The following RABEP1 variants were observed in gnomAD, a reference collection of about 807,000 sequenced individuals.
RABEP1 encodes the protein rab GTPase-binding effector protein 1.
Under a neutral mutation model 123.4 loss-of-function variants are expected in RABEP1, and 51 were observed. That is an observed-to-expected ratio of 0.41 (90% CI 0.33 to 0.52). The LOEUF (loss-of-function observed/expected upper bound fraction) is 0.52. Ranked by LOEUF, RABEP1 falls within the 20% of genes least tolerant of loss-of-function variation. The pLI, the probability that RABEP1 is intolerant of heterozygous loss-of-function variation, is 0.16. For missense variants in RABEP1, 888 were observed against 996.3 expected (o/e 0.89, Z 1.46); for synonymous variants, 347 against 355.2 (o/e 0.98, Z 0.26).
intron 13 of RABEP1, among the ~76,000 whole-genome samples, chr17:5,375,025 C>A (rs983682566): frequency 6.6e-6 from 1 of 151,958 alleles, no homozygotes; most frequent in African/African-American, 2.4e-5. Context: ...GATTAGCCTG[C>A]TTCGGCCTCC....
chr17:5,310,301 C>CTTTTGTTTTTTTTTTTTTTTTT lies in RABEP1; in HGVS notation c.163+1483_163+1484insGTTTTTTTTTTTTTTTTTTTTT, dbSNP rs2075224508. Among the ~76,000 whole-genome samples, 3 of 126,438 alleles carry CTTTTGTTTTTTTTTTTTTTTTT rather than the reference C, an allele frequency of 2.4e-5. 1 individual carries two copies. The highest frequency in any genetic ancestry group is 6.1e-5 in the African/African-American group (2 of 32,770). The allele number at this position is 126,438 out of a possible 152,430, so 82.9% of individuals were successfully genotyped here. On this transcript the variant is annotated intron_variant, in intron 2 of 17. Coordinates refer to ENST00000537505, the MANE Select transcript of RABEP1 (RefSeq NM_004703.6). ...TTACAATTTAAATGAAAGCTTCGTCCTTTTTTTTTTTTTTTTTTGAGATGG... is the reference window on the plus strand; with the variant it reads ...TTACAATTTAAATGAAAGCTTCGTCCTTTTGTTTTTTTTTTTTTTTTTTTTTTTTTTTTTTTTTTTGAGATGG...
rs1040155393 is a variant in RABEP1 at position 5,383,131 on chromosome 17, G to C, written c.2497G>C (p.Glu833Gln). Residue 833 changes from glutamate to glutamine, a missense_variant, in exon 18 of 18, where the codon GAG becomes CAG. Glu to Gln is a conservative substitution (Grantham distance 29). Transcript: ENST00000537505. ...ACCATTGTTTCTCCAGGTGCAGTTA[G>C]AGCGGATCCGGCAAGCTGACTCCTT... is the stretch of plus-strand genomic sequence containing the variant. Reference protein sequence around the residue: ...KLSQTLQVQLERIRQADSLER... With the variant: ...KLSQTLQVQLQRIRQADSLER... 5.0e-6 allele frequency: 8 copies of C among 1,614,122 alleles called. No individual in the cohort carries two copies. The highest frequency in any genetic ancestry group is 6.8e-6 in the Non-Finnish European group (8 of 1,179,994).
rs1911746981 is a variant in RABEP1 at position 5,384,171 on chromosome 17, A to G, written c.*948A>G. 9.3e-6 allele frequency: 2 copies of G among 214,460 alleles called. No individual in the cohort carries two copies. Among genetic ancestry groups the G allele is most frequent in the South Asian group, 1.9e-4 (1 of 5,374 alleles). The allele number at this position is 214,460 out of a possible 1,614,324, so 13.3% of individuals were successfully genotyped here. A position where few individuals can be genotyped will look rare whatever the true frequency, so the allele number is the denominator to read the frequency against. On this transcript the variant is annotated 3_prime_UTR_variant, in exon 18 of 18. Coordinates refer to ENST00000537505, the MANE Select transcript of RABEP1 (RefSeq NM_004703.6). ...GTAACTAGGTTGACAGATACTTTGT[A>G]TTTTTCTTTTGAATTCAGACCTGGA...
rs779322951 is a variant in RABEP1 at position 5,380,405 on chromosome 17, T to G, written c.2313T>G (p.Ser771Arg). 1 of 1,574,242 alleles carries G rather than the reference T, an allele frequency of 6.4e-7. No homozygotes were observed. Residue 771 changes from serine (S) to arginine (R), a missense_variant, in exon 16 of 18, where the codon AGT (serine) becomes AGG (arginine). Physicochemically the swap from Ser to Arg is moderately radical, Grantham distance 110. Transcript: ENST00000537505. ...TLREKSQQLE[S>R]LQEIKISLEE... ...GAGAGAAGTCTCAACAGCTTGAGAG[T>G]CTTCAGGAAATAAAGATCAGTTTGG...
At chr17:5,283,564 A>G (rs2074949243) in intron 1 of RABEP1, among the ~76,000 whole-genome samples, 1 of 152,152 alleles carries the variant, frequency 6.6e-6, no homozygotes, top group Non-Finnish European at 1.5e-5. Context: ...TATTTCTATA[A>G]TCAGCGTGTG....
intron 2 of RABEP1, among the ~76,000 whole-genome samples, chr17:5,313,864 G>A (rs571793089): frequency 6.6e-6 from 1 of 152,332 alleles, no homozygotes; most frequent in African/African-American, 2.4e-5. Context: ...CTGATTATTA[G>A]TTTTTGTCTT....
intron 1 of RABEP1, 89 bp downstream of exon 1, chr17:5,282,609 A>G (rs1237691307): frequency 1.0e-6 from 1 of 952,908 alleles, no homozygotes; most frequent in East Asian, 5.5e-5. Context: ...GGCGGCGGCA[A>G]GGGCGCGCGC....
At chr17:5,303,625 A>C (rs1211433392) in intron 1 of RABEP1, among the ~76,000 whole-genome samples, 1 of 152,174 alleles carries the variant, frequency 6.6e-6, no homozygotes, top group African/African-American at 2.4e-5. Context: ...ATCCCACTGG[A>C]GTTATTTTTT....
At position 5,386,092 on chromosome 17, in the gene RABEP1, C is replaced by T. The variant is rs1004020488; in HGVS notation, c.*2869C>T. The T allele has an allele frequency of 1.4e-6, 1 of 728,836 alleles. No homozygotes were observed. The highest frequency in any genetic ancestry group is 2.6e-5 in the Admixed American group (1 of 37,900). The allele number at this position is 728,836 out of a possible 1,614,324, so 45.1% of individuals were successfully genotyped here. On this transcript the variant is annotated 3_prime_UTR_variant, in exon 18 of 18. Coordinates refer to ENST00000537505, the MANE Select transcript of RABEP1 (RefSeq NM_004703.6). ...ACAACATATTTAAAAAGATGAACCA[C>T]ACCAAAGGTCATCAAAACACCTTTT...
At chr17:5,334,880 C>G (rs955300555) in intron 3 of RABEP1, among the ~76,000 whole-genome samples, 1 of 152,192 alleles carries the variant, frequency 6.6e-6, no homozygotes, top group Middle Eastern at 3.4e-3. Flanking sequence ...GCCTTAAGTT[C>G]GAATTCTAGC....
intron 8 of RABEP1, among the ~76,000 whole-genome samples, chr17:5,355,371 T>C (rs1908925746): frequency 6.6e-6 from 1 of 152,246 alleles, no homozygotes; most frequent in Non-Finnish European, 1.5e-5. Flanking sequence ...AAAGCTCATC[T>C]TGTTATCAGT....
At chr17:5,362,670 T>C (rs1340015819) in intron 9 of RABEP1, among the ~76,000 whole-genome samples, 1 of 152,238 alleles carries the variant, frequency 6.6e-6, no homozygotes, top group East Asian at 1.9e-4. Flanking sequence ...TGTGTTTTCC[T>C]CACATGTGAT....
In RABEP1 at chr17:5,359,377, CTGA is replaced by C. The variant is rs528490508; in HGVS notation, c.1096-1828_1096-1826del. The stretch of plus-strand genomic sequence containing the variant: ...GTGTGAGCCACTGCGCCCAGCCAGT[CTGA>C]TGTTTTTCAAATGGCCCTCACAACT... On this transcript the variant is annotated intron_variant, in intron 8 of 17. Transcript: ENST00000537505. Among the ~76,000 whole-genome samples, 31 of 152,048 alleles carry C rather than the reference CTGA, an allele frequency of 2.0e-4. No individual in the cohort carries two copies. In the South Asian group the frequency reaches 6.3e-3, roughly 31 times the overall value.
At chr17:5,337,706 T>A (rs1332403985) in intron 4 of RABEP1, among the ~76,000 whole-genome samples, 1 of 151,928 alleles carries the variant, frequency 6.6e-6, no homozygotes, top group Admixed American at 6.6e-5. Flanking sequence ...AAAAAAAATT[T>A]ATTTATTATG....
intron 15 of RABEP1, 104 bp downstream of exon 15, chr17:5,378,336 T>C (rs1213066265): frequency 1.9e-6 from 2 of 1,076,824 alleles, no homozygotes; most frequent in Non-Finnish European, 2.8e-6. Context: ...GCATGGGCCC[T>C]GCCTTAAGGA....
At position 5,385,957 on chromosome 17, in the gene RABEP1, G is replaced by C. The variant is rs1911923792; in HGVS notation, c.*2734G>C. Reference sequence around the variant, plus strand: ...CTCAATAGGGTTCAGGGAGGTTCTGGCAGTGTGCAGTGTGAAATAATCCTG... The same window carrying C: ...CTCAATAGGGTTCAGGGAGGTTCTGCCAGTGTGCAGTGTGAAATAATCCTG... On this transcript the variant is annotated 3_prime_UTR_variant, in exon 18 of 18. Transcript: ENST00000537505. The C allele has an allele frequency of 2.3e-6, 1 of 437,132 alleles. No individual in the cohort carries two copies. Among genetic ancestry groups the C allele is most frequent in the Non-Finnish European group, 4.0e-6 (1 of 249,238 alleles). 27.1% of individuals were successfully genotyped at this position (437,132 alleles called of 1,614,324 possible). A position where few individuals can be genotyped will look rare whatever the true frequency, so the allele number is the denominator to read the frequency against.
intron 1 of RABEP1, 40 bp downstream of exon 1, chr17:5,282,560 G>GC: frequency 1.7e-6 from 2 of 1,142,926 alleles, no homozygotes; most frequent in Non-Finnish European, 2.2e-6. Flanking sequence ...GGCGCGGCCT[G>GC]CCCGGCGTCG....
Position 5,383,298 on chromosome 17 carries a change from ACT to A in RABEP1, c.*78_*79del. The stretch of plus-strand genomic sequence containing the variant: ...TTAGAGCAACAGTAATTATTATTTA[ACT>A]CTTAACTGAAGAAAGAGAAGTCACA... On this transcript the variant is annotated 3_prime_UTR_variant, in exon 18 of 18. Transcript: ENST00000537505. 1 of 1,148,744 alleles carries A rather than the reference ACT, an allele frequency of 8.7e-7. No individual in the cohort carries two copies. The highest frequency in any genetic ancestry group is 1.3e-6 in the Non-Finnish European group (1 of 770,630). The allele number at this position is 1,148,744 out of a possible 1,614,324, so 71.2% of individuals were successfully genotyped here.
rs1259041595 is a variant in RABEP1, at chr17:5,373,333, G to A, written c.1904G>A (p.Arg635Gln). The A allele has an allele frequency of 1.2e-5, 20 of 1,612,908 alleles. No homozygotes were observed. The highest frequency in any genetic ancestry group is 1.7e-5 in the Admixed American group (1 of 59,830). Reference protein sequence around the residue: ...QEQMAVLMQSREQVSEELVRL... With the variant: ...QEQMAVLMQSQEQVSEELVRL... ...TTTTAGGCGGTGCTGATGCAGTCAC[G>A]GGAACAGGTTTCAGAAGAGCTGGTG... The change falls in exon 13 of 18, where the codon CGG becomes CAG. Residue 635 changes from arginine (R) to glutamine (Q), a missense_variant. Transcript: ENST00000537505.
Sources: gnomAD v4.1 joint callset for allele counts (sites outside exome capture counted in the v4.1 genomes callset) on GRCh38, gnomAD v4.1.1 for gene constraint, MANE v1.5 for transcripts, NCBI Gene and HGNC (gene_info 2026-07-23, HGNC 2026-07-21) for gene names.